Variants in DCUN1D5 observed in about 807,000 individuals in gnomAD.
DCUN1D5 encodes the protein DCN1-like protein 5.
In DCUN1D5, 10 loss-of-function variants were observed where a neutral mutation model predicts 38.3. The ratio of observed to expected loss-of-function variants is 0.26; its 90% CI spans 0.16 to 0.44. DCUN1D5 has a LOEUF of 0.44. DCUN1D5 is among the 20% of genes least tolerant of loss of function. The pLI is 1.00. For synonymous variants in DCUN1D5, 93 were observed against 90.9 expected (o/e 1.02, Z -0.13); for missense variants, 148 against 275.3 (o/e 0.54, Z 3.27).
At chr11:103,067,689 A>G (rs1346822151) in intron 4 of DCUN1D5, among the ~76,000 whole-genome samples, 1 of 152,188 alleles carries the variant, frequency 6.6e-6, no homozygotes, top group African/African-American at 2.4e-5. Context: ...TAATGTGTAA[A>G]TATTTTGGAC....
intron 1 of DCUN1D5, among the ~76,000 whole-genome samples, chr11:103,090,099 A>G (rs1265507575): frequency 6.7e-6 from 1 of 150,336 alleles, no homozygotes; most frequent in Non-Finnish European, 1.5e-5. Context: ...AACTTCTGTA[A>G]CTGAGTAAAG....
Position 103,065,497 on chromosome 11 carries a change from A to G in DCUN1D5, c.555+772T>C, listed in dbSNP as rs1862113249. Among the ~76,000 whole-genome samples, 1 of 152,202 alleles carries G rather than the reference A, an allele frequency of 6.6e-6. No homozygotes were observed. Among genetic ancestry groups the G allele is most frequent in the South Asian group, 2.1e-4 (1 of 4,832 alleles). ...TATCACAACTTTTACTACTCTGGGA[A>G]AAGGGAAGCAGCTATAAGCAATGTG... is the stretch of plus-strand genomic sequence containing the variant. On this transcript the variant is annotated intron_variant, in intron 6 of 7. Transcript: ENST00000260247. The surrounding 1 kb of genome is among the most constrained non-coding windows in gnomAD (Gnocchi z 4.6).
Position 103,066,245 on chromosome 11 carries a change from C to A in DCUN1D5, c.555+24G>T. The A allele has an allele frequency of 7.0e-7, 1 of 1,429,794 alleles. No homozygotes were observed. The allele number at this position is 1,429,794 out of a possible 1,614,324, so 88.6% of individuals were successfully genotyped here. ...AGATTAAGTTTTAAAATAATATTTT[C>A]AAAATTCGAAAAAACATACGTACCT... On this transcript the variant is annotated intron_variant, in intron 6 of 7. Coordinates refer to ENST00000260247, the MANE Select transcript of DCUN1D5 (RefSeq NM_032299.4). This position sits in a 1 kb window ranked among gnomAD's most constrained non-coding sequence, Gnocchi z 4.7.
intron 4 of DCUN1D5, among the ~76,000 whole-genome samples, chr11:103,068,679 A>C (rs1862196335): frequency 6.6e-6 from 1 of 152,128 alleles, no homozygotes; most frequent in Non-Finnish European, 1.5e-5. Context: ...ACTGGGGTCT[A>C]CTTGAAGGTG....
At position 103,065,103 on chromosome 11, in the gene DCUN1D5, T is replaced by C. The variant is rs1362545208; in HGVS notation, c.556-726A>G. Among the ~76,000 whole-genome samples the C allele has an allele frequency of 6.6e-6, 1 of 151,990 alleles. No individual in the cohort carries two copies. The highest frequency in any genetic ancestry group is 6.6e-5 in the Admixed American group (1 of 15,260). On this transcript the variant is annotated intron_variant, in intron 6 of 7. Transcript: ENST00000260247. This position sits in a 1 kb window ranked among gnomAD's most constrained non-coding sequence, Gnocchi z 4.6. ...AAAAATAATTTATAGGACTTACAGATTGAATCATGCGTAAAACTCATTCAT... is the reference window on the plus strand; with the variant it reads ...AAAAATAATTTATAGGACTTACAGACTGAATCATGCGTAAAACTCATTCAT...
At chr11:103,084,537 T>C (rs1202209791) in intron 2 of DCUN1D5, among the ~76,000 whole-genome samples, 1 of 152,210 alleles carries the variant, frequency 6.6e-6, no homozygotes, top group Non-Finnish European at 1.5e-5. Flanking sequence ...TGATTAATTA[T>C]AGGGCACTTT....
Position 103,087,563 on chromosome 11 carries a change from T to C in DCUN1D5, c.178+1664A>G, listed in dbSNP as rs565834834. ...TACTAGAAAGGCTGAGGTGGGAGGA[T>C]GGCCTGAGCCCAGGAGCTCAAGGCT... is the stretch of plus-strand genomic sequence containing the variant. On this transcript the variant is annotated intron_variant, in intron 2 of 7. Coordinates refer to ENST00000260247, the MANE Select transcript of DCUN1D5 (RefSeq NM_032299.4). The surrounding 1 kb of genome is among the most constrained non-coding windows in gnomAD (Gnocchi z 4.1). Among the ~76,000 whole-genome samples, 3 of 152,290 alleles carry C rather than the reference T, an allele frequency of 2.0e-5. No individual in the cohort carries two copies. The highest frequency in any genetic ancestry group is 4.1e-4 in the South Asian group (2 of 4,822).
At chr11:103,081,792 A>G (rs1002246277) in intron 4 of DCUN1D5, among the ~76,000 whole-genome samples, 1 of 152,180 alleles carries the variant, frequency 6.6e-6, no homozygotes, top group African/African-American at 2.4e-5. Context: ...CCACGTGTCT[A>G]CATGTTAATG....
In DCUN1D5 at chr11:103,064,192, A is replaced by T; in HGVS notation, c.658+83T>A. 1 of 1,030,482 alleles carries T rather than the reference A, an allele frequency of 9.7e-7. No homozygotes were observed. Among genetic ancestry groups the T allele is most frequent in the Non-Finnish European group, 1.5e-6 (1 of 680,212 alleles). 63.8% of individuals were successfully genotyped at this position (1,030,482 alleles called of 1,614,324 possible). A position where few individuals can be genotyped will look rare whatever the true frequency, so the allele number is the denominator to read the frequency against. ...TACTATTACAAAGTTTAAAACCTCT[A>T]TGCTAATACTACACAAATGCATACT... is the stretch of plus-strand genomic sequence containing the variant. On this transcript the variant is annotated intron_variant, in intron 7 of 7. Transcript: ENST00000260247. The surrounding 1 kb of genome is among the most constrained non-coding windows in gnomAD (Gnocchi z 4.5).
Position 103,058,126 on chromosome 11 carries a change from T to C in DCUN1D5, c.*4233A>G, listed in dbSNP as rs117078483. Among the ~76,000 whole-genome samples, 7,204 of 152,230 alleles carry C rather than the reference T, an allele frequency of 0.047. 216 individuals carry two copies. The highest frequency in any genetic ancestry group is 0.067 in the Non-Finnish European group (4,539 of 68,010). ...GTTAAAATCTAACCTTACTATATAG[T>C]GTTACTAGATGTATTTTAAGGAATA... On this transcript the variant is annotated 3_prime_UTR_variant, in exon 8 of 8. Coordinates refer to ENST00000260247, the MANE Select transcript of DCUN1D5 (RefSeq NM_032299.4).
rs562092685 is a variant in DCUN1D5 at position 103,064,807 on chromosome 11, T to C, written c.556-430A>G. ...ACAAGTGAAAGAGTATAGGCTTCGA[T>C]TTAAATCCCACCCTTGCCACTTAAT... On this transcript the variant is annotated intron_variant, in intron 6 of 7. Coordinates refer to ENST00000260247, the MANE Select transcript of DCUN1D5 (RefSeq NM_032299.4). The surrounding 1 kb of genome is among the most constrained non-coding windows in gnomAD (Gnocchi z 4.5). Among the ~76,000 whole-genome samples, 93 of 152,342 alleles carry C rather than the reference T, an allele frequency of 6.1e-4. No homozygotes were observed. The highest frequency in any genetic ancestry group is 2.2e-3 in the African/African-American group (91 of 41,586).
intron 1 of DCUN1D5, among the ~76,000 whole-genome samples, chr11:103,090,784 C>T (rs1356479789): frequency 6.6e-6 from 1 of 152,004 alleles, no homozygotes; most frequent in Non-Finnish European, 1.5e-5. Context: ...TGGTGGCGGG[C>T]GCCTATAATC....
In DCUN1D5 at chr11:103,054,009, G is replaced by C. The variant is rs1861810346; in HGVS notation, c.*8350C>G. 6.6e-6 allele frequency: 1 copy of C among 152,208 alleles called. No homozygotes were observed. The highest frequency in any genetic ancestry group is 2.1e-4 in the South Asian group (1 of 4,822). 9.4% of individuals were successfully genotyped at this position (152,208 alleles called of 1,614,324 possible). ...GCACACAGAAATAGGTACCCTAAAA[G>C]GACTAGGGGTGCAAGAGGACCATGT... On this transcript the variant is annotated 3_prime_UTR_variant, in exon 8 of 8. Coordinates refer to ENST00000260247, the MANE Select transcript of DCUN1D5 (RefSeq NM_032299.4).
At position 103,051,223 on chromosome 11, in the gene DCUN1D5, T is replaced by G. The variant is rs1238395232; in HGVS notation, c.*11136A>C. 1 of 152,164 alleles carries G rather than the reference T, an allele frequency of 6.6e-6. No homozygotes were observed. The highest frequency in any genetic ancestry group is 1.5e-5 in the Non-Finnish European group (1 of 68,028). The allele number at this position is 152,164 out of a possible 1,614,324, so 9.4% of individuals were successfully genotyped here. A position where few individuals can be genotyped will look rare whatever the true frequency, so the allele number is the denominator to read the frequency against. The stretch of plus-strand genomic sequence containing the variant: ...TCAACATACCATCTTATGACCAAAT[T>G]TAAAACAAATTACTGGTTAAGGAAA... On this transcript the variant is annotated 3_prime_UTR_variant, in exon 8 of 8. Coordinates refer to ENST00000260247, the MANE Select transcript of DCUN1D5 (RefSeq NM_032299.4).
Position 103,052,844 on chromosome 11 carries a change from C to CT in DCUN1D5, c.*9514dup, listed in dbSNP as rs1861777993. The CT allele has an allele frequency of 6.6e-6, 1 of 152,130 alleles. No homozygotes were observed. The allele number at this position is 152,130 out of a possible 1,614,324, so 9.4% of individuals were successfully genotyped here. A position where few individuals can be genotyped will look rare whatever the true frequency, so the allele number is the denominator to read the frequency against. On this transcript the variant is annotated 3_prime_UTR_variant, in exon 8 of 8. Coordinates refer to ENST00000260247, the MANE Select transcript of DCUN1D5 (RefSeq NM_032299.4). The stretch of plus-strand genomic sequence containing the variant: ...TAAATAGAAATTCAGTTTTCTCACT[C>CT]TATTACTTTGTTCACATGTTTGATG...
chr11:103,090,087 A>T (rs1173992671), intron 1 of DCUN1D5, among the ~76,000 whole-genome samples: 2 of 152,160 alleles, frequency 1.3e-5, no homozygotes, highest in Non-Finnish European at 2.9e-5. Flanking sequence ...TAGAAATGAT[A>T]GAACTTCTGT....
Position 103,064,463 on chromosome 11 carries a change from TG to T in DCUN1D5, c.556-87del. 3 of 1,078,540 alleles carry T rather than the reference TG, an allele frequency of 2.8e-6. No homozygotes were observed. The highest frequency in any genetic ancestry group is 3.9e-6 in the Non-Finnish European group (3 of 778,386). 66.8% of individuals were successfully genotyped at this position (1,078,540 alleles called of 1,614,324 possible). A position where few individuals can be genotyped will look rare whatever the true frequency, so the allele number is the denominator to read the frequency against. On this transcript the variant is annotated intron_variant, in intron 6 of 7. Transcript: ENST00000260247. The surrounding 1 kb of genome is among the most constrained non-coding windows in gnomAD (Gnocchi z 4.5). ...TAGTAAACTAAGTTTTAACTGTTTT[TG>T]TGATTTGGTTTTTTCTAAAACATTT...
chr11:103,084,181 A>G (rs1862639855), intron 2 of DCUN1D5, among the ~76,000 whole-genome samples: 1 of 152,212 alleles, frequency 6.6e-6, no homozygotes, highest in Non-Finnish European at 1.5e-5. Flanking sequence ...TTGTAATAAT[A>G]TGAGAAATGT....
chr11:103,090,397 C>G (rs1479859512), intron 1 of DCUN1D5, among the ~76,000 whole-genome samples: 1 of 152,120 alleles, frequency 6.6e-6, no homozygotes, highest in African/African-American at 2.4e-5. Context: ...TTTACCAAAA[C>G]ACAGTAATGA....
Sources: allele counts gnomAD v4.1 joint callset (sites outside exome capture counted in the v4.1 genomes callset), GRCh38; gene constraint gnomAD v4.1.1; non-coding constraint Gnocchi (gnomAD v3.1); transcripts MANE v1.5; gene names NCBI Gene and HGNC (gene_info 2026-07-23, HGNC 2026-07-21).